Variants in EPB42 observed in about 807,000 individuals in gnomAD.
EPB42 encodes the protein erythrocyte membrane protein band 4.2.
EPB42 carries 49 observed loss-of-function variants against 76.9 expected under a neutral mutation model. That is an observed-to-expected ratio of 0.64 (90% CI 0.51 to 0.81). The LOEUF (loss-of-function observed/expected upper bound fraction) is 0.81, where lower values mean the gene tolerates loss of function less well. EPB42 is among the 30% of genes least tolerant of loss of function. The probability of loss-of-function intolerance (pLI) is 0.00; values close to 1 mark genes in which losing one functional copy is unlikely to be tolerated. For synonymous variants in EPB42, 310 were observed against 338.4 expected (o/e 0.92, Z 0.92); for missense variants, 731 against 867.6 (o/e 0.84, Z 1.98).
At chr15:43,200,600 G>A (rs2042110636) in intron 12 of EPB42, among the ~76,000 whole-genome samples, 1 of 152,074 alleles carries the variant, frequency 6.6e-6, no homozygotes. Flanking sequence ...ATAATAGTAA[G>A]ATATTACTTC....
At chr15:43,212,614 A>G (rs74747356) in intron 3 of EPB42, among the ~76,000 whole-genome samples, 12 of 152,284 alleles carry the variant, frequency 7.9e-5, no homozygotes, top group African/African-American at 2.9e-4. Flanking sequence ...GGAGGGTTGG[A>G]AGGAGCAGCG....
chr15:43,210,373 TCCA>T lies in EPB42; in HGVS notation c.613_615del (p.Trp205del). On this transcript the variant is annotated inframe_deletion, in exon 5 of 13. Transcript: ENST00000441366. ...ACACGGGCCACGTGCACCGGCTGGC[TCCA>T]CTTCTCTACCTGCTTGTCCTTGCTC... The T allele has an allele frequency of 6.2e-7, 1 of 1,613,878 alleles. No homozygotes were observed. Among genetic ancestry groups the T allele is most frequent in the Non-Finnish European group, 8.5e-7 (1 of 1,179,960 alleles).
At chr15:43,209,866 G>A (rs112026674) in intron 5 of EPB42, among the ~76,000 whole-genome samples, 2,059 of 152,366 alleles carry the variant, frequency 0.014, 38 homozygotes, top group African/African-American at 0.047. Context: ...GACTTCAGCG[G>A]CAAAGAGGGA....
Position 43,220,987 on chromosome 15 carries a change from C to T in EPB42, c.-162G>A. 3 of 673,176 alleles carry T rather than the reference C, an allele frequency of 4.5e-6. No homozygotes were observed. The highest frequency in any genetic ancestry group is 8.0e-6 in the Non-Finnish European group (3 of 373,640). The allele number at this position is 673,176 out of a possible 1,614,324, so 41.7% of individuals were successfully genotyped here. On this transcript the variant is annotated 5_prime_UTR_variant, in exon 1 of 13. Coordinates refer to ENST00000441366, the MANE Select transcript of EPB42 (RefSeq NM_001114134.2). ...ATAGCAAAACCTCCCCCCACTACTC[C>T]TGTGAGCACCCTGACATGTTTCTTC... is the stretch of plus-strand genomic sequence containing the variant.
At chr15:43,209,505 C>T in intron 5 of EPB42, 54 bp from the exon 6 acceptor site, 1 of 1,566,940 alleles carries the variant, frequency 6.4e-7, no homozygotes, top group Non-Finnish European at 8.7e-7. Flanking sequence ...AGGACAGCTT[C>T]CAGGGCATGG....
chr15:43,206,244 G>A lies in EPB42; in HGVS notation c.1618+86C>T. The A allele has an allele frequency of 1.6e-5, 22 of 1,404,606 alleles. No individual in the cohort carries two copies. Among genetic ancestry groups the A allele is most frequent in the Middle Eastern group, 1.8e-4 (1 of 5,468 alleles). 87.0% of individuals were successfully genotyped at this position (1,404,606 alleles called of 1,614,324 possible). On this transcript the variant is annotated intron_variant, in intron 10 of 12. Transcript: ENST00000441366. This position sits in a 1 kb window ranked among gnomAD's most constrained non-coding sequence, Gnocchi z 4.7. ...AAAGCCATCTCTAGAGACTGCAGGGGGTGCCCTGTGGCTGCTGCCTGCCCA... is the reference window on the plus strand; with the variant it reads ...AAAGCCATCTCTAGAGACTGCAGGGAGTGCCCTGTGGCTGCTGCCTGCCCA...
Position 43,216,328 on chromosome 15 carries a change from G to T in EPB42, c.136C>A (p.Arg46Ser). The T allele has an allele frequency of 6.2e-7, 1 of 1,614,170 alleles. No individual in the cohort carries two copies. Among genetic ancestry groups the T allele is most frequent in the Non-Finnish European group, 8.5e-7 (1 of 1,180,044 alleles). Residue 46 changes from arginine to serine, a missense_variant, in exon 2 of 13, where the codon CGC becomes AGC. Arg to Ser is a moderately radical substitution (Grantham distance 110, BLOSUM62 -1). Transcript: ENST00000441366. Reference sequence around the variant, plus strand: ...GGCAGAAATGCACGGACTGGAGCGCGGAAGTACAGGATGATGGTGAAGGGC... The same window carrying T: ...GGCAGAAATGCACGGACTGGAGCGCTGAAGTACAGGATGATGGTGAAGGGC... ...GQPFTIILYF[R>S]APVRAFLPAL... is the part of the protein sequence containing the mutation.
chr15:43,209,012 G>A (rs548741887), intron 6 of EPB42, among the ~76,000 whole-genome samples: 4 of 152,214 alleles, frequency 2.6e-5, no homozygotes, highest in Non-Finnish European at 4.4e-5. Context: ...AGAACACAGC[G>A]CTGCGGGGCT....
intron 3 of EPB42, among the ~76,000 whole-genome samples, chr15:43,211,902 C>T (rs1032653173): frequency 2.0e-5 from 3 of 150,492 alleles, no homozygotes; most frequent in African/African-American, 7.3e-5. Flanking sequence ...TCTGTCTCTA[C>T]AAAAAATAAA....
At chr15:43,200,697 G>T (rs958121907) in intron 12 of EPB42, among the ~76,000 whole-genome samples, 1 of 152,160 alleles carries the variant, frequency 6.6e-6, no homozygotes, top group African/African-American at 2.4e-5. Context: ...CTCATGTGCT[G>T]CTGGAGGGAG....
Position 43,210,349 on chromosome 15 carries a change from C to A in EPB42, c.640G>T (p.Val214Leu). ...KWSQPVHVAR[V>L]LGALLHFLKE... ...CTCTCGCTTACCAAGGCACCCAACACACGGGCCACGTGCACCGGCTGGCTC... is the reference window on the plus strand; with the variant it reads ...CTCTCGCTTACCAAGGCACCCAACAAACGGGCCACGTGCACCGGCTGGCTC... Residue 214 changes from valine to leucine, a missense_variant, in exon 5 of 13, where the codon GTG becomes TTG. Coordinates refer to ENST00000441366, the MANE Select transcript of EPB42 (RefSeq NM_001114134.2). 2 of 1,613,722 alleles carry A rather than the reference C, an allele frequency of 1.2e-6. No individual in the cohort carries two copies. Among genetic ancestry groups the A allele is most frequent in the Non-Finnish European group, 1.7e-6 (2 of 1,179,980 alleles).
intron 3 of EPB42, among the ~76,000 whole-genome samples, chr15:43,214,446 C>T (rs756132823): frequency 5.1e-4 from 77 of 152,108 alleles, no homozygotes; most frequent in Middle Eastern, 3.4e-3. Context: ...GTCTGGAGAG[C>T]GCCCAGCAAT....
chr15:43,218,539 T>C (rs1159529103), intron 1 of EPB42, among the ~76,000 whole-genome samples: 1 of 152,236 alleles, frequency 6.6e-6, no homozygotes, highest in Non-Finnish European at 1.5e-5. Context: ...ACCTGCTTAG[T>C]CCTCTGCTCC....
upstream of EPB42, among the ~76,000 whole-genome samples, chr15:43,224,188 C>G (rs1397626161): frequency 6.6e-6 from 1 of 152,152 alleles, no homozygotes; most frequent in African/African-American, 2.4e-5. Context: ...CCTGTGTCCA[C>G]GCGGAAAGAG....
chr15:43,206,081 C>T lies in EPB42; in HGVS notation c.1618+249G>A, dbSNP rs1051002384. On this transcript the variant is annotated intron_variant, in intron 10 of 12. Coordinates refer to ENST00000441366, the MANE Select transcript of EPB42 (RefSeq NM_001114134.2). The surrounding 1 kb of genome is among the most constrained non-coding windows in gnomAD (Gnocchi z 4.7). Reference sequence around the variant, plus strand: ...ACTGTACTCTGTTAAACTCAGCAAACACTTCTCACACTGCTACGAAGGGTC... The same window carrying T: ...ACTGTACTCTGTTAAACTCAGCAAATACTTCTCACACTGCTACGAAGGGTC... 7 of 468,566 alleles carry T rather than the reference C, an allele frequency of 1.5e-5. No individual in the cohort carries two copies. Among genetic ancestry groups the T allele is most frequent in the Non-Finnish European group, 2.7e-5 (7 of 263,890 alleles). 29.0% of individuals were successfully genotyped at this position (468,566 alleles called of 1,614,324 possible).
intron 12 of EPB42, among the ~76,000 whole-genome samples, chr15:43,199,989 G>T (rs2042103479): frequency 6.6e-6 from 1 of 152,126 alleles, no homozygotes; most frequent in African/African-American, 2.4e-5. Flanking sequence ...CCCAGCCTTG[G>T]GTATGTCTTT....
rs1301268437 is a variant in EPB42, at chr15:43,201,955, T to C, written c.1802A>G (p.Tyr601Cys). ...GCTGACTGAGGCTGTGAGGGGTTGA[T>C]ACTGCTCTGCTTTCTCTGGCATCTG... is the stretch of plus-strand genomic sequence containing the variant. Reference protein sequence around the residue: ...AIKMPEKAEQYQPLTASVSLQ... With the variant: ...AIKMPEKAEQCQPLTASVSLQ... The change falls in exon 12 of 13, where the codon TAT (tyrosine) becomes TGT (cysteine). Residue 601 changes from tyrosine (Y) to cysteine (C), a missense_variant. Tyr to Cys is a radical substitution (Grantham distance 194, BLOSUM62 -2). Transcript: ENST00000441366. 3.1e-6 allele frequency: 5 copies of C among 1,614,142 alleles called. No homozygotes were observed. The Admixed American group carries it at 5.0e-5, about 16-fold the overall frequency.
In EPB42 at chr15:43,206,281, A is replaced by G. The variant is rs528765965; in HGVS notation, c.1618+49T>C. 103 of 1,492,216 alleles carry G rather than the reference A, an allele frequency of 6.9e-5. 1 individual carries two copies. In the African/African-American group the frequency reaches 8.6e-4, roughly 12 times the overall value. The allele number at this position is 1,492,216 out of a possible 1,614,324, so 92.4% of individuals were successfully genotyped here. On this transcript the variant is annotated intron_variant, in intron 10 of 12. Transcript: ENST00000441366. The surrounding 1 kb of genome is among the most constrained non-coding windows in gnomAD (Gnocchi z 4.7). ...CTGCTGCCTGCCCAAGGCAGGGGCC[A>G]TGTGTGTGTGTGTGTCGGGGGGTGT...
intron 10 of EPB42, among the ~76,000 whole-genome samples, chr15:43,204,967 C>CG (rs1043582800): frequency 3.6e-5 from 5 of 140,242 alleles, no homozygotes; most frequent in Non-Finnish European, 7.7e-5. Flanking sequence ...CCCCTCCGCC[C>CG]CCCCCCCAAA....
Sources: gnomAD v4.1 joint callset for allele counts (sites outside exome capture counted in the v4.1 genomes callset) on GRCh38, gnomAD v4.1.1 for gene constraint, Gnocchi (gnomAD v3.1) non-coding constraint, MANE v1.5 for transcripts, NCBI Gene and HGNC (gene_info 2026-07-23, HGNC 2026-07-21) for gene names.